Variants in VANGL1 observed in about 807,000 individuals in gnomAD.
VANGL1 encodes VANGL planar cell polarity protein 1, also known as vang-like protein 1.
In VANGL1, 18 loss-of-function variants were observed where a neutral mutation model predicts 48.4. That is an observed-to-expected ratio of 0.37 (90% CI 0.26 to 0.55). The LOEUF (loss-of-function observed/expected upper bound fraction) is 0.55. Ranked by LOEUF, VANGL1 falls within the 20% of genes least tolerant of loss-of-function variation. The pLI, the probability that VANGL1 is intolerant of heterozygous loss-of-function variation, is 0.81. For synonymous variants in VANGL1, 257 were observed against 261.8 expected (o/e 0.98, Z 0.18); for missense variants, 667 against 675.8 (o/e 0.99, Z 0.14).
rs868080004 is a variant in VANGL1, at chr1:115,682,962, G to A, written c.946+465G>A. Among the ~76,000 whole-genome samples, 150 of 152,276 alleles carry A rather than the reference G, an allele frequency of 9.9e-4. 11 individuals are homozygous for A. Among genetic ancestry groups the A allele is most frequent in the South Asian group, 2.1e-4 (1 of 4,820 alleles). Reference sequence around the variant, plus strand: ...TGGCAGGAGGCTGGAGGCCAGGCTGGGTAAGTCCAAGCTATGTTTCAGGGT... The same window carrying A: ...TGGCAGGAGGCTGGAGGCCAGGCTGAGTAAGTCCAAGCTATGTTTCAGGGT... On this transcript the variant is annotated intron_variant, in intron 5 of 7. Coordinates refer to ENST00000355485, the MANE Select transcript of VANGL1 (RefSeq NM_138959.3).
chr1:115,694,941 TTAA>T lies in VANGL1; in HGVS notation c.*3566_*3568del, dbSNP rs1653981566. ...CAGTCCCCTGTGTTTGAGAGATGAC[TTAA>T]TAACCCTGTGTTTTGAGAGGTCGCT... On this transcript the variant is annotated 3_prime_UTR_variant, in exon 8 of 8. Transcript: ENST00000355485. 1.3e-5 allele frequency: 2 copies of T among 152,300 alleles called. No homozygotes were observed. Among genetic ancestry groups the T allele is most frequent in the African/African-American group, 4.8e-5 (2 of 41,558 alleles). 9.4% of individuals were successfully genotyped at this position (152,300 alleles called of 1,614,324 possible). A position where few individuals can be genotyped will look rare whatever the true frequency, so the allele number is the denominator to read the frequency against.
chr1:115,664,118 A>G lies in VANGL1; in HGVS notation c.662A>G (p.Gln221Arg). 1.2e-6 allele frequency: 2 copies of G among 1,614,178 alleles called. No individual in the cohort carries two copies. Among genetic ancestry groups the G allele is most frequent in the Non-Finnish European group, 1.7e-6 (2 of 1,180,036 alleles). The change falls in exon 4 of 8, where the codon CAA becomes CGA. Residue 221 changes from glutamine (Q) to arginine (R), a missense_variant. Coordinates refer to ENST00000355485, the MANE Select transcript of VANGL1 (RefSeq NM_138959.3). ...GACCGGAATTACCAGGGCATTGTGCAATATGCAGTCTCCCTTGTGGATGCC... is the reference window on the plus strand; with the variant it reads ...GACCGGAATTACCAGGGCATTGTGCGATATGCAGTCTCCCTTGTGGATGCC... Reference protein sequence around the residue: ...SRDRNYQGIVQYAVSLVDALL... With the variant: ...SRDRNYQGIVRYAVSLVDALL...
chr1:115,658,233 G>A (rs1279625468), intron 2 of VANGL1, among the ~76,000 whole-genome samples: 2 of 152,188 alleles, frequency 1.3e-5, no homozygotes, highest in African/African-American at 4.8e-5. Context: ...GTAATGATAA[G>A]GTCGAAGTTT....
rs372307146 is a variant in VANGL1, at chr1:115,651,573, C to T, written c.71+89C>T. The T allele has an allele frequency of 2.7e-4, 314 of 1,157,124 alleles. 2 individuals carry two copies. Among genetic ancestry groups the T allele is most frequent in the South Asian group, 2.0e-3 (157 of 79,070 alleles). The allele number at this position is 1,157,124 out of a possible 1,614,324, so 71.7% of individuals were successfully genotyped here. A position where few individuals can be genotyped will look rare whatever the true frequency, so the allele number is the denominator to read the frequency against. ...CTACACTCACTTTTCAGTGACTCAG[C>T]GCTGGACATTTGGTCGGTTGGTGCA... On this transcript the variant is annotated intron_variant, in intron 2 of 7. Transcript: ENST00000355485.
chr1:115,649,466 C>T lies in VANGL1; in HGVS notation c.-137-1811C>T, dbSNP rs958379721. Among the ~76,000 whole-genome samples the T allele has an allele frequency of 5.3e-5, 8 of 152,096 alleles. 1 individual carries two copies. In the South Asian group the frequency reaches 1.5e-3, roughly 28 times the overall value. On this transcript the variant is annotated intron_variant, in intron 1 of 7. Transcript: ENST00000355485. Reference sequence around the variant, plus strand: ...CAGGTGAGCCTTGTGGCAGGAAGGCCGGCACAGAGACTCTGCTCTGCTTCT... The same window carrying T: ...CAGGTGAGCCTTGTGGCAGGAAGGCTGGCACAGAGACTCTGCTCTGCTTCT...
intron 4 of VANGL1, among the ~76,000 whole-genome samples, chr1:115,678,331 G>A (rs141443613): frequency 1.2e-4 from 19 of 152,352 alleles, no homozygotes; most frequent in African/African-American, 4.6e-4. Context: ...AAGGCAAGAG[G>A]AATGCTGGGC....
intron 2 of VANGL1, among the ~76,000 whole-genome samples, chr1:115,657,915 A>G (rs1652408089): frequency 6.6e-6 from 1 of 152,104 alleles, no homozygotes; most frequent in Admixed American, 6.5e-5. Context: ...GACAGTTGGG[A>G]GAGGAGGCGC....
intron 6 of VANGL1, 38 bp from the exon 7 acceptor site, chr1:115,685,255 G>C: frequency 1.2e-6 from 2 of 1,608,064 alleles, no homozygotes; most frequent in African/African-American, 1.3e-5. Flanking sequence ...CCTGTGGCAG[G>C]CACCATCCTG....
In VANGL1 at chr1:115,651,345, A is replaced by G; in HGVS notation, c.-69A>G. On this transcript the variant is annotated 5_prime_UTR_variant, in exon 2 of 8. Coordinates refer to ENST00000355485, the MANE Select transcript of VANGL1 (RefSeq NM_138959.3). ...CTCCTTGAGGTTTTAGGAGTCTGGT[A>G]GGTGAAATTTTCTACCTCTAAGGAG... The G allele has an allele frequency of 7.2e-7, 1 of 1,396,234 alleles. No homozygotes were observed. Among genetic ancestry groups the G allele is most frequent in the Non-Finnish European group, 1.0e-6 (1 of 989,846 alleles). The allele number at this position is 1,396,234 out of a possible 1,614,324, so 86.5% of individuals were successfully genotyped here.
Position 115,642,364 on chromosome 1 carries a change from C to G in VANGL1, c.-138+278C>G, listed in dbSNP as rs914186928. ...GTGCGATCTCCGCCGCACCCCACTCCTTGGGGTCCCGGGGTTCCCTGCTCA... is the reference window on the plus strand; with the variant it reads ...GTGCGATCTCCGCCGCACCCCACTCGTTGGGGTCCCGGGGTTCCCTGCTCA... On this transcript the variant is annotated intron_variant, in intron 1 of 7. Coordinates refer to ENST00000355485, the MANE Select transcript of VANGL1 (RefSeq NM_138959.3). Among the ~76,000 whole-genome samples the G allele has an allele frequency of 2.6e-5, 4 of 152,056 alleles. No individual in the cohort carries two copies. In the East Asian group the frequency reaches 5.8e-4, roughly 22 times the overall value.
chr1:115,681,039 A>C (rs1363400858), intron 4 of VANGL1, among the ~76,000 whole-genome samples: 1 of 152,204 alleles, frequency 6.6e-6, no homozygotes, highest in Non-Finnish European at 1.5e-5. Context: ...GGGAAGCCCA[A>C]CTTGGAGGTT....
chr1:115,645,216 A>G (rs946282692), intron 1 of VANGL1, among the ~76,000 whole-genome samples: 1 of 152,218 alleles, frequency 6.6e-6, no homozygotes, highest in African/African-American at 2.4e-5. Context: ...AACAGAATAG[A>G]AATCACTTGT....
intron 2 of VANGL1, 41 bp downstream of exon 2, chr1:115,651,525 A>G: frequency 6.3e-7 from 1 of 1,587,016 alleles, no homozygotes; most frequent in Non-Finnish European, 8.6e-7. Context: ...CTTTTGGGGA[A>G]ACCTACAGGT....
At chr1:115,671,010 T>G (rs1225259083) in intron 4 of VANGL1, 1 of 152,236 alleles carries the variant, frequency 6.6e-6, no homozygotes, top group African/African-American at 2.4e-5. Context: ...GAGTGTAAGG[T>G]GCTGCACACT....
At position 115,697,235 on chromosome 1, in the gene VANGL1, A is replaced by G. The variant is rs188827143; in HGVS notation, c.*5856A>G. 3.3e-5 allele frequency: 5 copies of G among 152,278 alleles called. No individual in the cohort carries two copies. The highest frequency in any genetic ancestry group is 2.0e-4 in the Admixed American group (3 of 15,292). 9.4% of individuals were successfully genotyped at this position (152,278 alleles called of 1,614,324 possible). On this transcript the variant is annotated 3_prime_UTR_variant, in exon 8 of 8. Coordinates refer to ENST00000355485, the MANE Select transcript of VANGL1 (RefSeq NM_138959.3). The stretch of plus-strand genomic sequence containing the variant: ...TAGGGAATTTAGACAGTTGCACATC[A>G]TTGCCGTTCTAGGGGCCTTGTAGAA...
intron 2 of VANGL1, among the ~76,000 whole-genome samples, chr1:115,655,567 A>G (rs1207083351): frequency 6.6e-6 from 1 of 151,844 alleles, no homozygotes; most frequent in Non-Finnish European, 1.5e-5. Context: ...ACGAAGAAAA[A>G]CTCTCGTAGC....
chr1:115,677,774 C>T (rs533773194), intron 4 of VANGL1, among the ~76,000 whole-genome samples: 1 of 152,262 alleles, frequency 6.6e-6, no homozygotes, highest in East Asian at 1.9e-4. Context: ...TCAGGCTCCC[C>T]CTGATGGTAA....
intron 2 of VANGL1, among the ~76,000 whole-genome samples, chr1:115,652,306 G>A (rs1298297602): frequency 1.3e-5 from 2 of 152,214 alleles, no homozygotes; most frequent in Non-Finnish European, 2.9e-5. Flanking sequence ...CTTAGGGCCT[G>A]CTGTGTTACT....
chr1:115,665,908 A>G (rs549139765), intron 4 of VANGL1, among the ~76,000 whole-genome samples: 23 of 152,180 alleles, frequency 1.5e-4, no homozygotes, highest in Non-Finnish European at 3.2e-4. Flanking sequence ...CACCTGTGGC[A>G]CTCACAGTCA....
Sources: allele counts gnomAD v4.1 joint callset (sites outside exome capture counted in the v4.1 genomes callset), GRCh38; gene constraint gnomAD v4.1.1; transcripts MANE v1.5; gene names NCBI Gene and HGNC (gene_info 2026-07-23, HGNC 2026-07-21).